DDX60: variants seen among roughly 807,000 people sequenced by gnomAD.
DDX60 encodes DExD/H-box helicase 60.
In DDX60, 165 loss-of-function variants were observed where a neutral mutation model predicts 212.8. The ratio of observed to expected loss-of-function variants is 0.78; its 90% CI spans 0.68 to 0.88. The LOEUF is 0.88. Among genes scored for constraint, DDX60 ranks in the 40% least tolerant of loss-of-function variants. DDX60 has a pLI of 0.00. For synonymous variants in DDX60, 703 were observed against 685.3 expected (o/e 1.03, Z -0.40); for missense variants, 1,905 against 2,003.9 (o/e 0.95, Z 0.94).
chr4:168,266,249 TAA>T (rs1734843401), intron 22 of DDX60, among the ~76,000 whole-genome samples: 1 of 152,204 alleles, frequency 6.6e-6, no homozygotes, highest in Non-Finnish European at 1.5e-5. Context: ...TTGTAATGGT[TAA>T]AAGAGGTTTA....
intron 19 of DDX60, among the ~76,000 whole-genome samples, 172 bp from the exon 20 acceptor site, chr4:168,269,141 C>T (rs967918479): frequency 6.6e-6 from 1 of 152,164 alleles, no homozygotes. Context: ...ACCAACAGTT[C>T]TGCTTTACTT....
At chr4:168,240,131 C>T (rs142481245) in intron 30 of DDX60, among the ~76,000 whole-genome samples, 4,696 of 152,204 alleles carry the variant, frequency 0.031, 225 homozygotes, top group African/African-American at 0.11. Context: ...TCTCAGCATA[C>T]AAAATCAATG....
chr4:168,298,167 T>A (rs1036620297), intron 6 of DDX60, among the ~76,000 whole-genome samples: 3 of 151,844 alleles, frequency 2.0e-5, no homozygotes, highest in Non-Finnish European at 4.4e-5. Flanking sequence ...TTAAAATTGT[T>A]TAAATAAAAT....
rs764946324 is a variant in DDX60, at chr4:168,262,674, A to G, written c.3144+9T>C. 16 of 1,563,866 alleles carry G rather than the reference A, an allele frequency of 1.0e-5. No homozygotes were observed. The highest frequency in any genetic ancestry group is 3.4e-4 in the Middle Eastern group (2 of 5,950). On this transcript the variant is annotated intron_variant, in intron 23 of 37. Coordinates refer to ENST00000393743, the MANE Select transcript of DDX60 (RefSeq NM_017631.6). ...CTATAATAGGATTAATTACATCATT[A>G]TTATTTACCTGGGCCCGAGGCCAAC...
intron 32 of DDX60, 102 bp from the exon 33 acceptor site, chr4:168,236,475 AAAATTT>A: frequency 9.5e-7 from 1 of 1,051,908 alleles, no homozygotes; most frequent in Non-Finnish European, 1.3e-6. Flanking sequence ...ATGGAAACTA[AAAATTT>A]ATGACAAACA....
chr4:168,299,157 C>CAAAAAAAAAAAAAA (rs1197872492), intron 6 of DDX60, among the ~76,000 whole-genome samples: 8 of 61,936 alleles, frequency 1.3e-4, no homozygotes, highest in African/African-American at 2.5e-4. Context: ...GAGACTGTCT[C>CAAAAAAAAAAAAAA]AAAAAAAAAA....
At chr4:168,313,822 C>G (rs1031372696) in intron 1 of DDX60, among the ~76,000 whole-genome samples, 7 of 152,166 alleles carry the variant, frequency 4.6e-5, no homozygotes, top group Middle Eastern at 3.4e-3. Context: ...TATGTCCTGA[C>G]AACTTAGAAA....
intron 24 of DDX60, 46 bp downstream of exon 24, chr4:168,261,954 G>A (rs767090438): frequency 7.1e-6 from 11 of 1,559,768 alleles, no homozygotes; most frequent in Middle Eastern, 3.4e-4. Flanking sequence ...TATAACTCAA[G>A]AAAACAACAA....
In DDX60 at chr4:168,280,648, G is replaced by T. The variant is rs530269375; in HGVS notation, c.1723-58C>A. ...AGTTGAAAATATTCCAAGATAACAG[G>T]TCATGAGTGAGACAATATTATGGGT... is the stretch of plus-strand genomic sequence containing the variant. On this transcript the variant is annotated intron_variant, in intron 13 of 37. Transcript: ENST00000393743. 2.6e-5 allele frequency: 39 copies of T among 1,524,968 alleles called. 1 individual carries two copies. The African/African-American group carries it at 4.8e-4, about 19-fold the overall frequency. 94.5% of individuals were successfully genotyped at this position (1,524,968 alleles called of 1,614,324 possible). A position where few individuals can be genotyped will look rare whatever the true frequency, so the allele number is the denominator to read the frequency against.
At position 168,291,872 on chromosome 4, in the gene DDX60, T is replaced by C. The variant is rs1391943857; in HGVS notation, c.917A>G (p.Glu306Gly). The C allele has an allele frequency of 3.7e-6, 6 of 1,612,648 alleles. No individual in the cohort carries two copies. In the African/African-American group the frequency reaches 8.0e-5, roughly 22 times the overall value. Residue 306 changes from glutamate (E) to glycine (G), a missense_variant, in exon 8 of 38, where the codon GAA (glutamate) becomes GGA (glycine). By Grantham distance (98) the Glu-to-Gly change is moderately conservative. Transcript: ENST00000393743. ...GAGACAATGCAGTTTACACAAATCT[T>C]CCATCTCCTGCAGGGTTAAGCAATT... ...NSNCLTLQEM[E>G]DLCKLHCLTV... is the part of the protein sequence containing the mutation.
At chr4:168,305,743 T>A (rs781302520) in intron 5 of DDX60, among the ~76,000 whole-genome samples, 10 of 151,662 alleles carry the variant, frequency 6.6e-5, no homozygotes, top group Non-Finnish European at 8.8e-5. Flanking sequence ...TACTAATGTA[T>A]CAAAATAATA....
In DDX60 at chr4:168,252,940, G is replaced by C. The variant is rs190379185; in HGVS notation, c.3558-284C>G. Reference sequence around the variant, plus strand: ...CTGCCTCAGCCTCCCGAGTAGCTGGGATTACAGGTGTCCACCACCGCACCT... The same window carrying C: ...CTGCCTCAGCCTCCCGAGTAGCTGGCATTACAGGTGTCCACCACCGCACCT... On this transcript the variant is annotated intron_variant, in intron 26 of 37. Transcript: ENST00000393743. Among the ~76,000 whole-genome samples the C allele has an allele frequency of 6.8e-4, 104 of 152,214 alleles. 1 individual carries two copies. In the East Asian group the frequency reaches 0.019, roughly 28 times the overall value.
At chr4:168,274,345 T>C (rs1388458448) in intron 16 of DDX60, among the ~76,000 whole-genome samples, 2 of 152,170 alleles carry the variant, frequency 1.3e-5, no homozygotes, top group Non-Finnish European at 2.9e-5. Context: ...TTATTTGCTA[T>C]TTACTAAGTG....
upstream of DDX60, among the ~76,000 whole-genome samples, chr4:168,322,436 C>T (rs914166764): frequency 3.3e-5 from 5 of 152,110 alleles, no homozygotes; most frequent in African/African-American, 1.2e-4. Flanking sequence ...TAGAGCAAGC[C>T]TCATCATTTC....
At position 168,220,737 on chromosome 4, in the gene DDX60, G is replaced by C. The variant is rs1417060743; in HGVS notation, c.4977-20C>G. 7.8e-7 allele frequency: 1 copy of C among 1,276,648 alleles called. No homozygotes were observed. The highest frequency in any genetic ancestry group is 1.0e-6 in the Non-Finnish European group (1 of 954,472). The allele number at this position is 1,276,648 out of a possible 1,614,324, so 79.1% of individuals were successfully genotyped here. On this transcript the variant is annotated intron_variant, in intron 36 of 37. Transcript: ENST00000393743. ...TTCATCCTAAAGAAAACAACATTTT[G>C]AAAATTAATAATACAAAACATTAAA... is the stretch of plus-strand genomic sequence containing the variant.
chr4:168,274,086 G>A lies in DDX60; in HGVS notation c.2305-3C>T, dbSNP rs1425578650. On this transcript the variant is annotated splice_polypyrimidine_tract_variant and splice_region_variant and intron_variant, in intron 16 of 37. Transcript: ENST00000393743. ...TCCACAACATCAAGGAGCTCTCGCT[G>A]CAGGGTGCAGAGTACCATTCATGTC... 6.2e-7 allele frequency: 1 copy of A among 1,614,074 alleles called. No homozygotes were observed. Among genetic ancestry groups the A allele is most frequent in the Non-Finnish European group, 8.5e-7 (1 of 1,179,956 alleles).
At chr4:168,321,408 T>C (rs72693181), upstream of DDX60, among the ~76,000 whole-genome samples, 1,184 of 152,286 alleles carry the variant, frequency 7.8e-3, 9 homozygotes, top group Non-Finnish European at 0.012. Context: ...TCCTGATTAA[T>C]TCAAGTTTTC....
rs6831781 is a variant in DDX60, at chr4:168,281,402, G to A, written c.1723-812C>T. ...GAAGCACTCATTAACATAAACTGTA[G>A]TTGTAATTTCATTTGCCATTCCTCC... On this transcript the variant is annotated intron_variant, in intron 13 of 37. Coordinates refer to ENST00000393743, the MANE Select transcript of DDX60 (RefSeq NM_017631.6). 2.7e-3 allele frequency among the ~76,000 whole-genome samples: 410 copies of A among 152,316 alleles called. 1 individual carries two copies. The highest frequency in any genetic ancestry group is 9.4e-3 in the African/African-American group (390 of 41,570).
Position 168,251,082 on chromosome 4 carries a change from C to T in DDX60, c.3730G>A (p.Val1244Ile). ...TCTTCACCTTTTCTTTCAAATTTTA[C>T]TCGACCAAATACCTTCTGCAAAGTC... Reference protein sequence around the residue: ...TETLQKVFGRVKFERKGEELK... With the variant: ...TETLQKVFGRIKFERKGEELK... The change falls in exon 28 of 38, where the codon GTA becomes ATA. Residue 1244 changes from valine (V) to isoleucine (I), a missense_variant. Transcript: ENST00000393743. 6.2e-7 allele frequency: 1 copy of T among 1,613,448 alleles called. No individual in the cohort carries two copies. Among genetic ancestry groups the T allele is most frequent in the Admixed American group, 1.7e-5 (1 of 59,986 alleles).
Sources: gnomAD v4.1 joint callset for allele counts (sites outside exome capture counted in the v4.1 genomes callset) on GRCh38, gnomAD v4.1.1 for gene constraint, MANE v1.5 for transcripts, NCBI Gene and HGNC (gene_info 2026-07-23, HGNC 2026-07-21) for gene names.